The following TMEFF1 variants were observed in gnomAD, a reference collection of about 807,000 sequenced individuals.
TMEFF1 encodes the protein transmembrane protein with EGF like and two follistatin like domains 1, also known as tomoregulin-1.
Under a neutral mutation model 47.5 loss-of-function variants are expected in TMEFF1, and 20 were observed. That is an observed-to-expected ratio of 0.42 (90% confidence interval 0.30 to 0.61). The LOEUF (loss-of-function observed/expected upper bound fraction) is 0.61. Among genes scored for constraint, TMEFF1 ranks in the 20% least tolerant of loss-of-function variants. TMEFF1 has a pLI of 0.19. For synonymous variants in TMEFF1, 162 were observed against 166.3 expected (o/e 0.97, Z 0.20); for missense variants, 411 against 471.1 (o/e 0.87, Z 1.18).
At chr9:100,565,463 G>T (rs1839108888) in intron 8 of TMEFF1, among the ~76,000 whole-genome samples, 2 of 152,100 alleles carry the variant, frequency 1.3e-5, no homozygotes, top group Non-Finnish European at 2.9e-5. Context: ...ATGGCTGTCG[G>T]TGAAAAGCAC....
chr9:100,539,440 G>A (rs994206041), intron 5 of TMEFF1, among the ~76,000 whole-genome samples: 1 of 152,164 alleles, frequency 6.6e-6, no homozygotes, highest in Non-Finnish European at 1.5e-5. Flanking sequence ...TCCTTCAGAT[G>A]TTCAGCTGTG....
At chr9:100,573,008 G>A (rs1197215147) in intron 9 of TMEFF1, among the ~76,000 whole-genome samples, 3 of 150,840 alleles carry the variant, frequency 2.0e-5, no homozygotes, top group Admixed American at 1.3e-4. Flanking sequence ...TAAGAGACAG[G>A]GCCTCACTCT....
chr9:100,555,640 T>G (rs1838902235), intron 7 of TMEFF1, among the ~76,000 whole-genome samples: 1 of 152,210 alleles, frequency 6.6e-6, no homozygotes, highest in Non-Finnish European at 1.5e-5. Context: ...AAACACTATG[T>G]TACTGAGTTC....
At chr9:100,496,593 G>C (rs1286255540) in intron 1 of TMEFF1, among the ~76,000 whole-genome samples, 1 of 152,178 alleles carries the variant, frequency 6.6e-6, no homozygotes, top group Non-Finnish European at 1.5e-5. Flanking sequence ...TTCCCCTAAA[G>C]TATTCTGTAG....
At position 100,550,054 on chromosome 9, in the gene TMEFF1, C is replaced by T. The variant is rs1426115876; in HGVS notation, c.710-41C>T. Reference sequence around the variant, plus strand: ...TGGGAGTATCATGATATGACTTAACCATTGTATATATTTTAATTTGAAAAC... The same window carrying T: ...TGGGAGTATCATGATATGACTTAACTATTGTATATATTTTAATTTGAAAAC... On this transcript the variant is annotated intron_variant, in intron 6 of 9. Transcript: ENST00000374879. 3 of 1,588,460 alleles carry T rather than the reference C, an allele frequency of 1.9e-6. No individual in the cohort carries two copies. The African/African-American group carries it at 4.1e-5, about 22-fold the overall frequency.
intron 5 of TMEFF1, among the ~76,000 whole-genome samples, chr9:100,533,445 T>C (rs999802837): frequency 6.6e-6 from 1 of 152,164 alleles, no homozygotes; most frequent in Non-Finnish European, 1.5e-5. Context: ...TTATTATCTT[T>C]TAAATCATAA....
At chr9:100,541,730 GA>G (rs1564023171) in intron 5 of TMEFF1, among the ~76,000 whole-genome samples, 1 of 152,006 alleles carries the variant, frequency 6.6e-6, no homozygotes, top group Non-Finnish European at 1.5e-5. Context: ...TAGGTTTTGA[GA>G]CTATCTTAAA....
chr9:100,543,124 C>T (rs1045744113), intron 5 of TMEFF1, among the ~76,000 whole-genome samples: 20 of 152,074 alleles, frequency 1.3e-4, no homozygotes, highest in African/African-American at 4.8e-4. Flanking sequence ...GACAGGGTGT[C>T]TCCATGTTGG....
chr9:100,507,807 T>C (rs1035935979), intron 2 of TMEFF1, among the ~76,000 whole-genome samples: 1 of 152,242 alleles, frequency 6.6e-6, no homozygotes, highest in Non-Finnish European at 1.5e-5. Flanking sequence ...TTGTTAGATA[T>C]TAAGATTTTT....
intron 1 of TMEFF1, among the ~76,000 whole-genome samples, chr9:100,489,391 A>T (rs1837509691): frequency 6.6e-6 from 1 of 151,996 alleles, no homozygotes; most frequent in Non-Finnish European, 1.5e-5. Context: ...GGGTTTCACC[A>T]TGTTGCCCAG....
At chr9:100,498,936 C>A in intron 2 of TMEFF1, 62 bp downstream of exon 2, 1 of 1,547,746 alleles carries the variant, frequency 6.5e-7, no homozygotes, top group Non-Finnish European at 8.7e-7. Flanking sequence ...ATTCTAAATT[C>A]TTCAAATTAA....
chr9:100,524,260 A>G (rs1338514322), intron 5 of TMEFF1, among the ~76,000 whole-genome samples: 1 of 152,230 alleles, frequency 6.6e-6, no homozygotes, highest in Non-Finnish European at 1.5e-5. Context: ...ATACATGTGC[A>G]ATTTAAGGAA....
intron 5 of TMEFF1, 138 bp from the exon 6 acceptor site, chr9:100,547,605 TA>T (rs1838760378): frequency 3.8e-6 from 4 of 1,065,630 alleles, no homozygotes; most frequent in Non-Finnish European, 4.9e-6. Context: ...TTACTTTGCT[TA>T]AGCTTTCATC....
chr9:100,502,382 C>T lies in TMEFF1; in HGVS notation c.306+3508C>T, dbSNP rs546689049. On this transcript the variant is annotated intron_variant, in intron 2 of 9. Coordinates refer to ENST00000374879, the MANE Select transcript of TMEFF1 (RefSeq NM_003692.5). ...TATCTGTCTTTTTTTTTGTTTGAGA[C>T]GGGGTCTCACTCTGTTGCCTAGGCG... is the stretch of plus-strand genomic sequence containing the variant. Among the ~76,000 whole-genome samples, 20 of 152,048 alleles carry T rather than the reference C, an allele frequency of 1.3e-4. No homozygotes were observed. The South Asian group carries it at 3.5e-3, about 27-fold the overall frequency.
At chr9:100,555,197 A>ACG (rs900921457) in intron 7 of TMEFF1, among the ~76,000 whole-genome samples, 6 of 150,142 alleles carry the variant, frequency 4.0e-5, no homozygotes, top group African/African-American at 9.8e-5. Flanking sequence ...ACACACACGC[A>ACG]CACACATTGT....
At chr9:100,499,529 G>A (rs963962531) in intron 2 of TMEFF1, among the ~76,000 whole-genome samples, 5 of 152,034 alleles carry the variant, frequency 3.3e-5, no homozygotes, top group African/African-American at 7.2e-5. Flanking sequence ...GATATGAGGC[G>A]AAAAAGGAAC....
At chr9:100,570,615 A>ATTCTC (rs1839221041) in intron 8 of TMEFF1, among the ~76,000 whole-genome samples, 2 of 151,498 alleles carry the variant, frequency 1.3e-5, no homozygotes, top group Non-Finnish European at 1.5e-5. Flanking sequence ...TAGGCTCTCC[A>ATTCTC]TTCTCTTCCA....
At chr9:100,487,919 T>C (rs1246040161) in intron 1 of TMEFF1, among the ~76,000 whole-genome samples, 1 of 152,154 alleles carries the variant, frequency 6.6e-6, no homozygotes, top group Non-Finnish European at 1.5e-5. Flanking sequence ...CTTTAAAAAA[T>C]TATCTTTTAA....
intron 5 of TMEFF1, among the ~76,000 whole-genome samples, chr9:100,517,092 A>G (rs979553146): frequency 1.3e-5 from 2 of 152,136 alleles, no homozygotes; most frequent in Admixed American, 6.5e-5. Flanking sequence ...TCATTAAGGT[A>G]GGTTTTGTAG....
Sources: gnomAD v4.1 joint callset for allele counts (sites outside exome capture counted in the v4.1 genomes callset) on GRCh38, gnomAD v4.1.1 for gene constraint, MANE v1.5 for transcripts, NCBI Gene and HGNC (gene_info 2026-07-23, HGNC 2026-07-21) for gene names.